The following TTC34 variants were observed in gnomAD, a reference collection of about 807,000 sequenced individuals.
TTC34 encodes tetratricopeptide repeat domain 34.
In TTC34, 44 loss-of-function variants were observed where a neutral mutation model predicts 40.7. That is an observed-to-expected ratio of 1.08 (90% CI 0.85 to 1.39). TTC34 has a LOEUF of 1.39. Among genes scored for constraint, TTC34 ranks in the 40% most tolerant of loss-of-function variants. The probability of loss-of-function intolerance (pLI) is 0.00; values close to 1 mark genes in which losing one functional copy is unlikely to be tolerated. For missense variants in TTC34, 884 were observed against 838.0 expected, an observed-to-expected ratio of 1.05 and a Z score of -0.68; for synonymous variants, 422 against 398.6, an observed-to-expected ratio of 1.06 and a Z score of -0.70.
chr1:2,655,552 A>G (rs1330209841), intron 6 of TTC34, among the ~76,000 whole-genome samples: 2 of 139,016 alleles, frequency 1.4e-5, no homozygotes, highest in Admixed American at 1.5e-4. Flanking sequence ...AGCATCTGAC[A>G]GCCTGCAACA....
At chr1:2,799,909 C>T (rs1452601523) in intron 2 of TTC34, 135 bp downstream of exon 2, 2 of 397,802 alleles carry the variant, frequency 5.0e-6, no homozygotes, top group Non-Finnish European at 8.8e-6. Flanking sequence ...AGGGGCAGGG[C>T]CTGACTTTCT....
chr1:2,760,992 C>A (rs1343064924), intron 6 of TTC34, among the ~76,000 whole-genome samples: 2 of 71,672 alleles, frequency 2.8e-5, no homozygotes, highest in Admixed American at 2.5e-4. Flanking sequence ...TAGCCTGGAG[C>A]AGCGCTCACA....
At chr1:2,684,386 GAATC>G in intron 6 of TTC34, among the ~76,000 whole-genome samples, 1 of 151,440 alleles carries the variant, frequency 6.6e-6, no homozygotes, top group South Asian at 2.1e-4. Flanking sequence ...GCCTGGAACA[GAATC>G]CACACCCCCA....
rs1641655502 is a variant in TTC34 at position 2,760,311 on chromosome 1, AG to A, written c.2226+23297del. On this transcript the variant is annotated intron_variant, in intron 6 of 8. Coordinates refer to ENST00000401095, the Ensembl canonical transcript of TTC34. Reference sequence around the variant, plus strand: ...AGGCGAGCATCTGACAGCCTGGAACAGCACCGCACACCCGCAGGTGAGCATC... The same window carrying A: ...AGGCGAGCATCTGACAGCCTGGAACACACCGCACACCCGCAGGTGAGCATC... 3.7e-5 allele frequency among the ~76,000 whole-genome samples: 2 copies of A among 54,190 alleles called. 1 individual carries two copies. Among genetic ancestry groups the A allele is most frequent in the Non-Finnish European group, 6.0e-5 (2 of 33,270 alleles). 35.6% of individuals were successfully genotyped at this position (54,190 alleles called of 152,430 possible).
chr1:2,755,200 A>T (rs1438931254), intron 6 of TTC34, among the ~76,000 whole-genome samples: 1 of 51,052 alleles, frequency 2.0e-5, no homozygotes, highest in Non-Finnish European at 3.1e-5. Context: ...AGCATCTGAC[A>T]GCCTGGAGCA....
At chr1:2,688,560 A>G (rs1211031790) in intron 6 of TTC34, among the ~76,000 whole-genome samples, 1 of 139,652 alleles carries the variant, frequency 7.2e-6, no homozygotes, top group Non-Finnish European at 1.5e-5. Flanking sequence ...CCCACGGAGC[A>G]GCACCCACAC....
At chr1:2,790,651 C>G (rs1036080597) in intron 2 of TTC34, among the ~76,000 whole-genome samples, 1 of 152,228 alleles carries the variant, frequency 6.6e-6, no homozygotes, top group Admixed American at 6.5e-5. Context: ...TCACTCCCAC[C>G]GCTCAGTGCA....
exon 3 of TTC34, chr1:2,789,797 C>G (rs1021258344): frequency 2.0e-6 from 1 of 488,600 alleles, no homozygotes; most frequent in East Asian, 3.5e-5. Context: ...GTGCGGCGCC[C>G]CCTGCTCCAC....
rs1357140128 is a variant in TTC34 at position 2,775,154 on chromosome 1, G to C, written c.2226+8455C>G. 7 of 142,780 alleles carry C rather than the reference G, an allele frequency of 4.9e-5. No individual in the cohort carries two copies. In the East Asian group the frequency reaches 8.5e-4, roughly 17 times the overall value. The allele number at this position is 142,780 out of a possible 1,614,324, so 8.8% of individuals were successfully genotyped here. ...CCTGGAACAGAACCCCACTCTTCCA[G>C]GTGAGAATCTGACGCATAAAACAGC... On this transcript the variant is annotated intron_variant, in intron 6 of 8. Coordinates refer to ENST00000401095, the Ensembl canonical transcript of TTC34.
chr1:2,688,160 A>T (rs1640453854), intron 6 of TTC34, among the ~76,000 whole-genome samples: 8 of 152,236 alleles, frequency 5.3e-5, no homozygotes, highest in Non-Finnish European at 2.9e-5. Flanking sequence ...CTGGAAGGGC[A>T]CCCACACCCC....
chr1:2,752,860 G>A (rs1641370193), intron 6 of TTC34, among the ~76,000 whole-genome samples: 1 of 151,468 alleles, frequency 6.6e-6, no homozygotes, highest in Non-Finnish European at 1.5e-5. Context: ...CACACACCCA[G>A]GCGAGCATCT....
chr1:2,749,913 C>A (rs1234079707), intron 6 of TTC34, among the ~76,000 whole-genome samples: 1 of 103,228 alleles, frequency 9.7e-6, no homozygotes, highest in Non-Finnish European at 1.8e-5. Flanking sequence ...CAGCCTGGGT[C>A]GGCACCCACA....
At chr1:2,779,320 T>TG (rs1643438482) in intron 6 of TTC34, among the ~76,000 whole-genome samples, 2 of 147,824 alleles carry the variant, frequency 1.4e-5, no homozygotes, top group African/African-American at 5.4e-5. Context: ...ATGGTAGTTC[T>TG]ATTTTTTTTT....
rs1429261713 is a variant in TTC34 at position 2,765,707 on chromosome 1, C to T, written c.2226+17902G>A. Among the ~76,000 whole-genome samples the T allele has an allele frequency of 2.5e-4, 10 of 39,834 alleles. 2 individuals are homozygous for T. In the South Asian group the frequency reaches 0.014, roughly 54 times the overall value. 26.1% of individuals were successfully genotyped at this position (39,834 alleles called of 152,430 possible). A position where few individuals can be genotyped will look rare whatever the true frequency, so the allele number is the denominator to read the frequency against. On this transcript the variant is annotated intron_variant, in intron 6 of 8. Coordinates refer to ENST00000401095, the Ensembl canonical transcript of TTC34. ...GCGAGCATCTGACAGCCTGGAGCAGCATGCACACCCCCAGGCGAGCATCTG... is the reference window on the plus strand; with the variant it reads ...GCGAGCATCTGACAGCCTGGAGCAGTATGCACACCCCCAGGCGAGCATCTG...
At chr1:2,799,221 C>T (rs921964524) in intron 2 of TTC34, among the ~76,000 whole-genome samples, 3 of 152,186 alleles carry the variant, frequency 2.0e-5, no homozygotes, top group African/African-American at 7.2e-5. Context: ...GCACATTTTG[C>T]ACATGGCAGC....
intron 6 of TTC34, among the ~76,000 whole-genome samples, chr1:2,650,797 G>A (rs1639114583): frequency 1.3e-5 from 2 of 150,406 alleles, no homozygotes; most frequent in South Asian, 2.1e-4. Context: ...TGCAAGGTGA[G>A]CATCTGACAG....
At chr1:2,673,069 CCTG>C (rs1639758167) in intron 6 of TTC34, among the ~76,000 whole-genome samples, 1 of 58,140 alleles carries the variant, frequency 1.7e-5, no homozygotes, top group Admixed American at 1.5e-4. Context: ...GGAACAGCAC[CCTG>C]CACCCCCAGG....
chr1:2,752,490 A>AAC (rs1641355215), intron 6 of TTC34, among the ~76,000 whole-genome samples: 1 of 143,932 alleles, frequency 6.9e-6, no homozygotes, highest in Non-Finnish European at 1.5e-5. Context: ...CAGCACCCAC[A>AAC]CAGCCAGGTG....
At chr1:2,685,606 C>A (rs59566570) in intron 6 of TTC34, among the ~76,000 whole-genome samples, 1 of 36,434 alleles carries the variant, frequency 2.7e-5, no homozygotes, top group South Asian at 9.2e-4. Flanking sequence ...CACCCCCAGG[C>A]GAGCATCCGA....
Sources: gnomAD v4.1 joint callset for allele counts (sites outside exome capture counted in the v4.1 genomes callset) on GRCh38, gnomAD v4.1.1 for gene constraint, MANE v1.5 for transcripts, NCBI Gene and HGNC (gene_info 2026-07-23, HGNC 2026-07-21) for gene names.